Variants in KIF18A observed in about 807,000 individuals in gnomAD.
KIF18A encodes the protein kinesin-like protein KIF18A.
Under a neutral mutation model 103.3 loss-of-function variants are expected in KIF18A, and 67 were observed. That is an observed-to-expected ratio of 0.65 (90% confidence interval 0.53 to 0.79). KIF18A has a LOEUF of 0.79. Ranked by LOEUF, KIF18A falls within the 30% of genes least tolerant of loss-of-function variation. The pLI is 0.00. For missense variants in KIF18A, 1,032 were observed against 1,062.5 expected (o/e 0.97, Z 0.40); for synonymous variants, 367 against 355.5 (o/e 1.03, Z -0.36).
At chr11:28,062,581 A>C (rs1458439278) in intron 11 of KIF18A, 65 bp from the exon 12 acceptor site, 3 of 1,215,132 alleles carry the variant, frequency 2.5e-6, no homozygotes, top group Non-Finnish European at 3.3e-6. Flanking sequence ...AATCAGTTTA[A>C]TAATTTTATA....
chr11:28,028,606 A>C (rs1263874412), intron 15 of KIF18A, among the ~76,000 whole-genome samples: 1 of 152,132 alleles, frequency 6.6e-6, no homozygotes, highest in African/African-American at 2.4e-5. Flanking sequence ...CCCTAACATC[A>C]CAATTAAAAG....
At chr11:28,075,952 T>C (rs1851085954) in intron 10 of KIF18A, among the ~76,000 whole-genome samples, 1 of 152,078 alleles carries the variant, frequency 6.6e-6, no homozygotes, top group African/African-American at 2.4e-5. Context: ...TTTTTTTTCT[T>C]ACCCCAGGCA....
At position 28,036,617 on chromosome 11, in the gene KIF18A, T is replaced by C; in HGVS notation, c.1996A>G (p.Arg666Gly). ...GATGGCATTAGTTTTCTCCGAGTTC[T>C]TTTTTCTGTAGGAATCTTAACCAGA... ...TNLVKIPTEKRTRRKLMPSPL... is the reference protein window; with the variant it reads ...TNLVKIPTEKGTRRKLMPSPL... The change falls in exon 14 of 17, where the codon AGA (arginine) becomes GGA (glycine). Residue 666 changes from arginine (R) to glycine (G), a missense_variant. Arg to Gly is a moderately radical substitution (Grantham distance 125, BLOSUM62 -2). Transcript: ENST00000263181. 1.2e-6 allele frequency: 2 copies of C among 1,609,590 alleles called. No individual in the cohort carries two copies. Among genetic ancestry groups the C allele is most frequent in the African/African-American group, 1.3e-5 (1 of 74,746 alleles).
At chr11:28,068,724 G>T (rs1314163290) in intron 11 of KIF18A, among the ~76,000 whole-genome samples, 1 of 152,114 alleles carries the variant, frequency 6.6e-6, no homozygotes, top group African/African-American at 2.4e-5. Flanking sequence ...TAAAGGTACT[G>T]CATTAGAAAT....
chr11:28,024,251 T>C (rs189048302), intron 15 of KIF18A, among the ~76,000 whole-genome samples: 1 of 148,970 alleles, frequency 6.7e-6, no homozygotes, highest in East Asian at 2.0e-4. Context: ...AATCCTAATG[T>C]GAAAGGTATA....
Position 28,069,421 on chromosome 11 carries a change from G to A in KIF18A, c.1428C>T (p.Ala476=). 6.2e-7 allele frequency: 1 copy of A among 1,610,982 alleles called. No individual in the cohort carries two copies. Among genetic ancestry groups the A allele is most frequent in the East Asian group, 2.2e-5 (1 of 44,790 alleles). ...CAAGTCTATGATCTCGTTTTCCAGTGGCCTGAAACACGATTCATTTAACAG... is the reference window on the plus strand; with the variant it reads ...CAAGTCTATGATCTCGTTTTCCAGTAGCCTGAAACACGATTCATTTAACAG... ...MMCSEDKVEK[A]TGKRDHRLAM... Residue 476 remains alanine, a splice_region_variant and synonymous_variant, in exon 11 of 17, where the codon GCC becomes GCT. Coordinates refer to ENST00000263181, the MANE Select transcript of KIF18A (RefSeq NM_031217.4).
chr11:28,036,406 C>A lies in KIF18A; in HGVS notation c.2207G>T (p.Ser736Ile), dbSNP rs776356480. ...ACAATTATCACTGTTTATGTTTGAG[C>A]TGATAGCCTGAAAACTTGTAGTAAA... is the stretch of plus-strand genomic sequence containing the variant. ...SSFTTSFQAI[S>I]SNINSDNCLK... The change falls in exon 14 of 17, where the codon AGC becomes ATC. Residue 736 changes from serine to isoleucine, a missense_variant. By Grantham distance (142) the Ser-to-Ile change is moderately radical. Transcript: ENST00000263181. The A allele has an allele frequency of 1.2e-6, 2 of 1,611,088 alleles. No homozygotes were observed. The highest frequency in any genetic ancestry group is 2.2e-5 in the East Asian group (1 of 44,750).
At position 28,054,447 on chromosome 11, in the gene KIF18A, C is replaced by T. The variant is rs74924682; in HGVS notation, c.1948+4479G>A. ...GCTGGTCTTGAACTCCTGACTCAAGCGATCGGCCTGCGTCAGTCTCCCAAA... is the reference window on the plus strand; with the variant it reads ...GCTGGTCTTGAACTCCTGACTCAAGTGATCGGCCTGCGTCAGTCTCCCAAA... On this transcript the variant is annotated intron_variant, in intron 13 of 16. Transcript: ENST00000263181. 7.0e-4 allele frequency among the ~76,000 whole-genome samples: 107 copies of T among 152,192 alleles called. 1 individual carries two copies. Among genetic ancestry groups the T allele is most frequent in the African/African-American group, 2.4e-3 (98 of 41,546 alleles).
chr11:28,048,800 C>G (rs762845052), intron 13 of KIF18A, among the ~76,000 whole-genome samples: 1 of 152,082 alleles, frequency 6.6e-6, no homozygotes, highest in African/African-American at 2.4e-5. Flanking sequence ...AAGGAAGTAT[C>G]TGAATTGGAC....
intron 13 of KIF18A, among the ~76,000 whole-genome samples, chr11:28,054,403 G>A (rs927952780): frequency 6.6e-6 from 1 of 152,050 alleles, no homozygotes; most frequent in African/African-American, 2.4e-5. Flanking sequence ...TAGAGACAGG[G>A]TTTCGCCCTG....
chr11:28,097,385 T>C, intron 2 of KIF18A: 1 of 450,500 alleles, frequency 2.2e-6, no homozygotes, highest in Non-Finnish European at 3.9e-6. Flanking sequence ...AGGACAGATG[T>C]CTATAGGGGC....
intron 12 of KIF18A, among the ~76,000 whole-genome samples, chr11:28,061,905 T>C (rs1283345029): frequency 6.6e-6 from 1 of 152,150 alleles, no homozygotes; most frequent in African/African-American, 2.4e-5. Flanking sequence ...ATGTTACTAC[T>C]GAGCTAGAAG....
At chr11:28,029,415 C>A (rs1440172310) in intron 15 of KIF18A, among the ~76,000 whole-genome samples, 2 of 152,048 alleles carry the variant, frequency 1.3e-5, no homozygotes, top group African/African-American at 2.4e-5. Flanking sequence ...ATACACAGAA[C>A]CAAAGACAAA....
intron 13 of KIF18A, among the ~76,000 whole-genome samples, chr11:28,050,366 T>C (rs139381397): frequency 1.3e-5 from 2 of 151,988 alleles, no homozygotes; most frequent in East Asian, 1.9e-4. Flanking sequence ...TGTTGCCAAA[T>C]GGAAAAAATA....
At position 28,084,795 on chromosome 11, in the gene KIF18A, T is replaced by C. The variant is rs1452578683; in HGVS notation, c.911A>G (p.His304Arg). The C allele has an allele frequency of 1.2e-6, 2 of 1,609,656 alleles. No individual in the cohort carries two copies. The highest frequency in any genetic ancestry group is 1.7e-6 in the Non-Finnish European group (2 of 1,178,174). Residue 304 changes from histidine to arginine, a missense_variant, in exon 7 of 17, where the codon CAT becomes CGT. By Grantham distance (29) the His-to-Arg change is conservative. Coordinates refer to ENST00000263181, the MANE Select transcript of KIF18A (RefSeq NM_031217.4). Reference protein sequence around the residue: ...ALADSKRKNQHIPYRNSKLTR... With the variant: ...ALADSKRKNQRIPYRNSKLTR... ...AAGCTTACTATTTCTGTAAGGGATA[T>C]GCTGATTCTTTCTCTGAAAGCACAA...
At chr11:28,098,119 G>A (rs1851399242) in intron 1 of KIF18A, 126 bp from the exon 2 acceptor site, 3 of 533,738 alleles carry the variant, frequency 5.6e-6, no homozygotes, top group South Asian at 2.8e-5. Context: ...AAACACTGGG[G>A]GAAAAATACA....
intron 12 of KIF18A, among the ~76,000 whole-genome samples, chr11:28,061,548 T>C (rs942337330): frequency 6.6e-6 from 1 of 152,148 alleles, no homozygotes; most frequent in East Asian, 1.9e-4. Flanking sequence ...TGAGTGTTAG[T>C]AAATGAATAT....
At position 28,094,652 on chromosome 11, in the gene KIF18A, T is replaced by C. The variant is rs768843455; in HGVS notation, c.474A>G (p.Ser158=). 3 of 1,608,334 alleles carry C rather than the reference T, an allele frequency of 1.9e-6. No homozygotes were observed. Among genetic ancestry groups the C allele is most frequent in the South Asian group, 2.2e-5 (2 of 90,636 alleles). The change falls in exon 3 of 17, where the codon TCA becomes TCG. Residue 158 remains serine (S), a synonymous_variant. Transcript: ENST00000263181. ...TAAATTCCCAACTTACCTCCAGATA[T>C]GAAACTGCAGTACTACATATTTTCT... is the stretch of plus-strand genomic sequence containing the variant. ...KEEKICSTAV[S]YLEVYNEQIR...
chr11:28,091,547 TA>T (rs751823709), intron 3 of KIF18A, 34 bp from the exon 4 acceptor site: 108,787 of 790,112 alleles, frequency 0.14, 8 homozygotes, highest in South Asian at 0.18. Context: ...AGCATTGATG[TA>T]AAAAAAAAAA....
Sources: gnomAD v4.1 joint callset for allele counts (sites outside exome capture counted in the v4.1 genomes callset) on GRCh38, gnomAD v4.1.1 for gene constraint, MANE v1.5 for transcripts, NCBI Gene and HGNC (gene_info 2026-07-23, HGNC 2026-07-21) for gene names.